SUGCT: variants seen among roughly 807,000 people sequenced by gnomAD.
SUGCT encodes the protein succinyl-CoA:glutarate CoA-transferase.
In SUGCT, 41 loss-of-function variants were observed where a neutral mutation model predicts 55.0. The ratio of observed to expected loss-of-function variants is 0.74; its 90% confidence interval spans 0.58 to 0.97. SUGCT has a LOEUF of 0.97. Ranked by LOEUF, SUGCT falls within the 50% of genes least tolerant of loss-of-function variation. The probability of loss-of-function intolerance (pLI) is 0.00; values close to 1 mark genes in which losing one functional copy is unlikely to be tolerated. For missense variants in SUGCT, 568 were observed against 547.8 expected, an observed-to-expected ratio of 1.04 and a Z score of -0.37; for synonymous variants, 187 against 200.4, an observed-to-expected ratio of 0.93 and a Z score of 0.56.
At chr7:40,711,451 G>A (rs915884887) in intron 12 of SUGCT, among the ~76,000 whole-genome samples, 6 of 151,064 alleles carry the variant, frequency 4.0e-5, no homozygotes, top group African/African-American at 1.5e-4. Context: ...GCAGTGAGCC[G>A]AGATCCCACC....
chr7:41,016,402 G>A, the SUGCT span, among the ~76,000 whole-genome samples: 1 of 152,066 alleles, frequency 6.6e-6, no homozygotes, highest in South Asian at 2.1e-4. Flanking sequence ...ATTACATCCA[G>A]GAGGGACTTG....
At chr7:40,318,960 G>A (rs558165635) in intron 9 of SUGCT, among the ~76,000 whole-genome samples, 4 of 148,550 alleles carry the variant, frequency 2.7e-5, no homozygotes, top group Non-Finnish European at 4.4e-5. Flanking sequence ...GGCACCCTGG[G>A]TATGCCCTCA....
chr7:40,542,968 C>T (rs905891837), intron 12 of SUGCT, among the ~76,000 whole-genome samples: 6 of 152,162 alleles, frequency 3.9e-5, no homozygotes, highest in South Asian at 2.1e-4. Flanking sequence ...TTTGCTTCAT[C>T]GGCTAGGTGA....
At chr7:40,193,210 A>T (rs569217274) in intron 5 of SUGCT, among the ~76,000 whole-genome samples, 31 of 147,102 alleles carry the variant, frequency 2.1e-4, no homozygotes, top group African/African-American at 7.6e-4. Flanking sequence ...CAAGTGATCT[A>T]TCCCCCCGAC....
intron 6 of SUGCT, among the ~76,000 whole-genome samples, chr7:40,229,596 AGGTCAG>A (rs1788601525): frequency 6.6e-6 from 1 of 151,414 alleles, no homozygotes. Flanking sequence ...GTGGATCACG[AGGTCAG>A]GAGATATCAA....
chr7:40,210,448 G>A (rs1787267359), intron 6 of SUGCT, among the ~76,000 whole-genome samples: 1 of 151,702 alleles, frequency 6.6e-6, no homozygotes, highest in African/African-American at 2.4e-5. Context: ...AGCTGTATGT[G>A]CATATATATG....
At chr7:40,844,069 C>G (rs980874873) in intron 13 of SUGCT, among the ~76,000 whole-genome samples, 1 of 152,098 alleles carries the variant, frequency 6.6e-6, no homozygotes, top group Non-Finnish European at 1.5e-5. Context: ...TTGCTCCTCT[C>G]TGGTGGGAGC....
chr7:40,962,288 A>C, the SUGCT span, among the ~76,000 whole-genome samples: 7 of 152,094 alleles, frequency 4.6e-5, no homozygotes, highest in African/African-American at 1.7e-4. Flanking sequence ...TAGACAGAAA[A>C]GTTCTCCAAG....
intron 7 of SUGCT, among the ~76,000 whole-genome samples, chr7:40,266,241 A>G (rs1584507059): frequency 7.8e-6 from 1 of 127,816 alleles, no homozygotes; most frequent in African/African-American, 3.1e-5. Context: ...CTGGAGTGCA[A>G]CGGATTCAAG....
At chr7:40,461,507 A>G (rs1357800341) in intron 11 of SUGCT, among the ~76,000 whole-genome samples, 2 of 152,160 alleles carry the variant, frequency 1.3e-5, no homozygotes, top group East Asian at 1.9e-4. Context: ...AAACTTAGTC[A>G]TGCTTCAAGG....
chr7:40,239,153 C>G (rs1250440439), intron 7 of SUGCT, among the ~76,000 whole-genome samples: 1 of 151,942 alleles, frequency 6.6e-6, no homozygotes, highest in Non-Finnish European at 1.5e-5. Flanking sequence ...GTGCAGCCTC[C>G]GTGGCACACT....
chr7:40,583,380 T>C (rs1222288087), intron 12 of SUGCT, among the ~76,000 whole-genome samples: 1 of 152,186 alleles, frequency 6.6e-6, no homozygotes, highest in Non-Finnish European at 1.5e-5. Flanking sequence ...GATTGATCTT[T>C]CCTTGGCTTT....
chr7:40,743,206 G>T (rs373577857), intron 12 of SUGCT, among the ~76,000 whole-genome samples: 3 of 152,146 alleles, frequency 2.0e-5, no homozygotes, highest in East Asian at 3.9e-4. Context: ...AAATTGCAAG[G>T]CAACACTAGA....
intron 11 of SUGCT, among the ~76,000 whole-genome samples, chr7:40,467,969 T>C (rs1009394470): frequency 1.3e-5 from 2 of 149,028 alleles, no homozygotes; most frequent in South Asian, 4.2e-4. Flanking sequence ...TCATTTTCTT[T>C]TTTTTTTTTT....
intron 12 of SUGCT, among the ~76,000 whole-genome samples, chr7:40,610,079 A>G: frequency 6.6e-6 from 1 of 152,236 alleles, no homozygotes; most frequent in Non-Finnish European, 1.5e-5. Flanking sequence ...AAATGGAAAC[A>G]CTGACCATAT....
chr7:40,940,175 T>A, the SUGCT span, among the ~76,000 whole-genome samples: 1 of 151,974 alleles, frequency 6.6e-6, no homozygotes. Context: ...TGTTGAAGAT[T>A]AGTTGGTTGT....
chr7:40,854,395 T>G (rs189668171), intron 13 of SUGCT, among the ~76,000 whole-genome samples: 1 of 124,298 alleles, frequency 8.0e-6, no homozygotes, highest in Non-Finnish European at 1.7e-5. Flanking sequence ...ATCAAAATTT[T>G]TTTCTTTCTT....
intron 13 of SUGCT, chr7:40,782,618 G>A (rs139860778): frequency 6.6e-6 from 1 of 152,272 alleles, no homozygotes; most frequent in East Asian, 1.9e-4. Context: ...AAGTTTGAGG[G>A]CAGTGTGTAT....
intron 12 of SUGCT, among the ~76,000 whole-genome samples, chr7:40,662,360 T>C (rs570481337): frequency 6.6e-6 from 1 of 152,318 alleles, no homozygotes; most frequent in African/African-American, 2.4e-5. Context: ...CCTCCCCACA[T>C]AGAAGTCAGA....
Sources: gnomAD v4.1 joint callset for allele counts (sites outside exome capture counted in the v4.1 genomes callset) on GRCh38, gnomAD v4.1.1 for gene constraint, MANE v1.5 for transcripts, NCBI Gene and HGNC (gene_info 2026-07-23, HGNC 2026-07-21) for gene names.